SLC6A19: variants seen among roughly 807,000 people sequenced by gnomAD.
SLC6A19 encodes solute carrier family 6 member 19.
SLC6A19 carries 67 observed loss-of-function variants against 68.3 expected under a neutral mutation model. The ratio of observed to expected loss-of-function variants is 0.98; its 90% CI spans 0.81 to 1.20. The LOEUF (loss-of-function observed/expected upper bound fraction) is 1.20. Among genes scored for constraint, SLC6A19 ranks in the 50% most tolerant of loss-of-function variants. The probability of loss-of-function intolerance (pLI) is 0.00; values close to 1 mark genes in which losing one functional copy is unlikely to be tolerated. For missense variants in SLC6A19, 813 were observed against 851.6 expected, an observed-to-expected ratio of 0.95 and a Z score of 0.56; for synonymous variants, 392 against 374.9, an observed-to-expected ratio of 1.05 and a Z score of -0.53.
rs923443359 is a variant in SLC6A19, at chr5:1,214,773, C to T, written c.887+708C>T. ...GGTGGCCCTCCAGGCTGTGAAGGTGCGATTGGAGTCAGACACAGGGGACCC... is the reference window on the plus strand; with the variant it reads ...GGTGGCCCTCCAGGCTGTGAAGGTGTGATTGGAGTCAGACACAGGGGACCC... On this transcript the variant is annotated intron_variant, in intron 6 of 11. Coordinates refer to ENST00000304460, the MANE Select transcript of SLC6A19 (RefSeq NM_001003841.3). The surrounding 1 kb of genome is among the most constrained non-coding windows in gnomAD (Gnocchi z 7.4). Among the ~76,000 whole-genome samples, 4 of 147,772 alleles carry T rather than the reference C, an allele frequency of 2.7e-5. No homozygotes were observed. Among genetic ancestry groups the T allele is most frequent in the Admixed American group, 6.8e-5 (1 of 14,608 alleles).
rs181165758 is a variant in SLC6A19, at chr5:1,204,711, G to A, written c.202+2859G>A. On this transcript the variant is annotated intron_variant, in intron 1 of 11. Coordinates refer to ENST00000304460, the MANE Select transcript of SLC6A19 (RefSeq NM_001003841.3). ...TCTGCACAGGGCAGTGATGGTGTCC[G>A]TGAGCGAGGTGGCGTGCGGGAGCCG... Among the ~76,000 whole-genome samples the A allele has an allele frequency of 3.3e-3, 497 of 152,342 alleles. 7 individuals are homozygous for A. Among genetic ancestry groups the A allele is most frequent in the African/African-American group, 0.011 (466 of 41,586 alleles).
At chr5:1,219,902 AG>A (rs1425717898) in intron 10 of SLC6A19, among the ~76,000 whole-genome samples, 1 of 152,080 alleles carries the variant, frequency 6.6e-6, no homozygotes, top group African/African-American at 2.4e-5. Flanking sequence ...AGCCCAGTGG[AG>A]CCCAGACCTT....
chr5:1,204,385 C>T (rs1411786751), intron 1 of SLC6A19, among the ~76,000 whole-genome samples: 2 of 152,228 alleles, frequency 1.3e-5, no homozygotes, highest in African/African-American at 2.4e-5. Context: ...GGCATTCTCA[C>T]CTGGGAAATG....
At chr5:1,207,365 G>A (rs565287646) in intron 1 of SLC6A19, among the ~76,000 whole-genome samples, 1 of 152,064 alleles carries the variant, frequency 6.6e-6, no homozygotes, top group South Asian at 2.1e-4. Context: ...CCCGCAGAGG[G>A]AGCGGTCAGG....
chr5:1,211,749 C>T (rs1445382149), intron 3 of SLC6A19, among the ~76,000 whole-genome samples: 2 of 148,966 alleles, frequency 1.3e-5, no homozygotes, highest in African/African-American at 5.0e-5. Context: ...TACAGTCACG[C>T]TTGTGTGCTG....
chr5:1,212,609 C>A lies in SLC6A19; in HGVS notation c.663+125C>A. On this transcript the variant is annotated intron_variant, in intron 4 of 11. Transcript: ENST00000304460. This position sits in a 1 kb window ranked among gnomAD's most constrained non-coding sequence, Gnocchi z 5.1. The stretch of plus-strand genomic sequence containing the variant: ...CCGGGCTCTGCCTTTCCCCAGACCC[C>A]ACCAAGAGAGCTGCCTTTGCCCTTA... 1 of 1,249,610 alleles carries A rather than the reference C, an allele frequency of 8.0e-7. No homozygotes were observed. Among genetic ancestry groups the A allele is most frequent in the African/African-American group, 1.5e-5 (1 of 67,300 alleles). 77.4% of individuals were successfully genotyped at this position (1,249,610 alleles called of 1,614,324 possible).
In SLC6A19 at chr5:1,216,579, G is replaced by A. The variant is rs373226369; in HGVS notation, c.909G>A (p.Ser303=). The A allele has an allele frequency of 1.4e-5, 23 of 1,614,012 alleles. No homozygotes were observed. The highest frequency in any genetic ancestry group is 4.5e-5 in the East Asian group (2 of 44,896). ...GCAGCAACAACTGCGAGAAGGACTC[G>A]GTGATTGTGTCCATCATCAACGGCT... ...NSVHNNCEKD[S]VIVSIINGFT... is the part of the protein sequence containing the mutation. Residue 303 remains serine, a synonymous_variant, in exon 7 of 12, where the codon TCG becomes TCA. Transcript: ENST00000304460.
chr5:1,203,106 G>A (rs1745760853), intron 1 of SLC6A19, among the ~76,000 whole-genome samples: 1 of 140,112 alleles, frequency 7.1e-6, no homozygotes, highest in South Asian at 2.3e-4. Flanking sequence ...GTTTAGCTTG[G>A]AGGAGAAACT....
At chr5:1,206,752 C>A (rs568116035) in intron 1 of SLC6A19, among the ~76,000 whole-genome samples, 11 of 152,134 alleles carry the variant, frequency 7.2e-5, no homozygotes, top group Non-Finnish European at 1.6e-4. Flanking sequence ...TGAGGAGGGG[C>A]TGTCGCTGGG....
At chr5:1,208,912 C>A (rs537565167) in intron 2 of SLC6A19, 26 bp downstream of exon 2, 84 of 1,598,244 alleles carry the variant, frequency 5.3e-5, no homozygotes, top group Non-Finnish European at 6.5e-5. Flanking sequence ...CAGTTCCACC[C>A]GGGCCCAGGG....
intron 8 of SLC6A19, 122 bp downstream of exon 8, chr5:1,217,067 C>A: frequency 6.8e-7 from 1 of 1,476,334 alleles, no homozygotes; most frequent in East Asian, 2.3e-5. Context: ...CCGGGAGGCC[C>A]AGCTCCCACT....
At chr5:1,218,859 C>T (rs1746278401) in intron 8 of SLC6A19, 44 bp from the exon 9 acceptor site, 1 of 1,597,708 alleles carries the variant, frequency 6.3e-7, no homozygotes. Context: ...GAGACGGAGC[C>T]CACGGAGGGC....
chr5:1,216,958 C>T lies in SLC6A19; in HGVS notation c.1173+13C>T, dbSNP rs1360241789. The T allele has an allele frequency of 2.0e-5, 32 of 1,611,744 alleles. No homozygotes were observed. The highest frequency in any genetic ancestry group is 5.5e-5 in the South Asian group (5 of 91,028). ...CTTCCTCTCAGAGGTAGGTCCATTC[C>T]GGAGCTCGAGGCAGGGAGAGGGCAC... On this transcript the variant is annotated intron_variant, in intron 8 of 11. Coordinates refer to ENST00000304460, the MANE Select transcript of SLC6A19 (RefSeq NM_001003841.3).
chr5:1,212,566 A>C lies in SLC6A19; in HGVS notation c.663+82A>C. 6.4e-7 allele frequency: 1 copy of C among 1,560,672 alleles called. No homozygotes were observed. Among genetic ancestry groups the C allele is most frequent in the Non-Finnish European group, 8.7e-7 (1 of 1,149,252 alleles). On this transcript the variant is annotated intron_variant, in intron 4 of 11. Transcript: ENST00000304460. The surrounding 1 kb of genome is among the most constrained non-coding windows in gnomAD (Gnocchi z 5.1). ...CTGCCTCCGGCCGGCTGCACTCTAA[A>C]ACCCAGGTCTGGGGGTCCCGGGCTC...
chr5:1,221,668 G>A, intron 11 of SLC6A19, 33 bp from the exon 12 acceptor site: 1 of 1,612,878 alleles, frequency 6.2e-7, no homozygotes, highest in Non-Finnish European at 8.5e-7. Flanking sequence ...TGGCTCCCGG[G>A]ATGCCTACTC....
rs536188731 is a variant in SLC6A19, at chr5:1,214,539, G to C, written c.887+474G>C. On this transcript the variant is annotated intron_variant, in intron 6 of 11. Coordinates refer to ENST00000304460, the MANE Select transcript of SLC6A19 (RefSeq NM_001003841.3). This position sits in a 1 kb window ranked among gnomAD's most constrained non-coding sequence, Gnocchi z 7.4. ...GATGCATACCCTGGAGTCCCCAGCA[G>C]CGTCTGGGAGGAGCACAGCTGGTGT... Among the ~76,000 whole-genome samples, 1 of 152,294 alleles carries C rather than the reference G, an allele frequency of 6.6e-6. No individual in the cohort carries two copies. Among genetic ancestry groups the C allele is most frequent in the South Asian group, 2.1e-4 (1 of 4,820 alleles).
chr5:1,209,214 G>T lies in SLC6A19; in HGVS notation c.343+328G>T, dbSNP rs1049246664. Reference sequence around the variant, plus strand: ...CTCAGCGAGAGCCCAGGGCCCAGGAGGGGGCACCAGCCTCCTGTGTCCACT... The same window carrying T: ...CTCAGCGAGAGCCCAGGGCCCAGGATGGGGCACCAGCCTCCTGTGTCCACT... On this transcript the variant is annotated intron_variant, in intron 2 of 11. Coordinates refer to ENST00000304460, the MANE Select transcript of SLC6A19 (RefSeq NM_001003841.3). This position sits in a 1 kb window ranked among gnomAD's most constrained non-coding sequence, Gnocchi z 5.5. 6.6e-6 allele frequency among the ~76,000 whole-genome samples: 1 copy of T among 152,024 alleles called. No homozygotes were observed. Among genetic ancestry groups the T allele is most frequent in the Non-Finnish European group, 1.5e-5 (1 of 67,978 alleles).
intron 1 of SLC6A19, 79 bp from the exon 2 acceptor site, chr5:1,208,667 G>A (rs548020646): frequency 1.2e-6 from 2 of 1,603,096 alleles, no homozygotes; most frequent in East Asian, 2.2e-5. Context: ...AAGGTTTGCT[G>A]TGAATGCCTG....
rs1284246412 is a variant in SLC6A19, at chr5:1,218,972, C to G, written c.1243C>G (p.Leu415Val). 1 of 1,614,124 alleles carries G rather than the reference C, an allele frequency of 6.2e-7. No homozygotes were observed. Residue 415 changes from leucine (L) to valine (V), a missense_variant, in exon 9 of 12, where the codon CTG becomes GTG. Leu to Val is a conservative substitution (Grantham distance 32, BLOSUM62 1). Transcript: ENST00000304460. ...EAITKMPLSPLWSVLFFIMLF... is the reference protein window; with the variant it reads ...EAITKMPLSPVWSVLFFIMLF... ...CATCACCAAGATGCCGTTGTCCCCA[C>G]TGTGGTCTGTGCTCTTCTTCATTAT...
Sources: allele counts gnomAD v4.1 joint callset (sites outside exome capture counted in the v4.1 genomes callset), GRCh38; gene constraint gnomAD v4.1.1; non-coding constraint Gnocchi (gnomAD v3.1); transcripts MANE v1.5; gene names NCBI Gene and HGNC (gene_info 2026-07-23, HGNC 2026-07-21).